The following FBXL16 variants were observed in gnomAD, a reference collection of about 807,000 sequenced individuals.
The protein encoded by FBXL16 is F-box and leucine rich repeat protein 16.
In FBXL16, 7 loss-of-function variants were observed where a neutral mutation model predicts 36.7. That is an observed-to-expected ratio of 0.19 (90% CI 0.11 to 0.36). FBXL16 has a LOEUF of 0.36. Among genes scored for constraint, FBXL16 ranks in the 10% least tolerant of loss-of-function variants. FBXL16 has a pLI of 1.00. For synonymous variants in FBXL16, 355 were observed against 308.7 expected (o/e 1.15, Z -1.57); for missense variants, 463 against 659.4 (o/e 0.70, Z 3.26).
chr16:694,732 G>A, intron 4 of FBXL16, 35 bp from the exon 5 acceptor site: 1 of 1,578,694 alleles, frequency 6.3e-7, no homozygotes, highest in Non-Finnish European at 8.6e-7. Context: ...AACGATTTCC[G>A]CTCGCACCGA....
In FBXL16 at chr16:701,578, G is replaced by A. The variant is rs192040928; in HGVS notation, c.-15+3934C>T. Reference sequence around the variant, plus strand: ...GAGAAGTCCCTGGGGGCTCACACAAGGGCCCCTCTGCTTGGCCCTGGGCCC... The same window carrying A: ...GAGAAGTCCCTGGGGGCTCACACAAAGGCCCCTCTGCTTGGCCCTGGGCCC... On this transcript the variant is annotated intron_variant, in intron 1 of 5. Transcript: ENST00000397621. Among the ~76,000 whole-genome samples, 5 of 152,326 alleles carry A rather than the reference G, an allele frequency of 3.3e-5. 1 individual carries two copies. The highest frequency in any genetic ancestry group is 1.2e-4 in the African/African-American group (5 of 41,582).
intron 1 of FBXL16, among the ~76,000 whole-genome samples, chr16:704,740 TG>T (rs1205888722): frequency 6.6e-6 from 1 of 152,072 alleles, no homozygotes; most frequent in African/African-American, 2.4e-5. Context: ...GCAGGTGAGG[TG>T]GCCTCCGCCA....
At chr16:702,988 C>G (rs1339248640) in intron 1 of FBXL16, among the ~76,000 whole-genome samples, 1 of 152,266 alleles carries the variant, frequency 6.6e-6, no homozygotes, top group Non-Finnish European at 1.5e-5. Context: ...TTCCTTCACA[C>G]ACTGCCTAAC....
In FBXL16 at chr16:697,503, T is replaced by TC. The variant is rs2040023386; in HGVS notation, c.-14-85dup. 6.9e-7 allele frequency: 1 copy of TC among 1,443,710 alleles called. No homozygotes were observed. Among genetic ancestry groups the TC allele is most frequent in the Admixed American group, 2.4e-5 (1 of 41,188 alleles). The allele number at this position is 1,443,710 out of a possible 1,614,324, so 89.4% of individuals were successfully genotyped here. ...TGGGGGCGGGTGCAGTGGGGCTCCT[T>TC]CCCTCCTTGGGCGTCCCTATGGTGC... On this transcript the variant is annotated intron_variant, in intron 1 of 5. Transcript: ENST00000397621. The surrounding 1 kb of genome is among the most constrained non-coding windows in gnomAD (Gnocchi z 4.6).
chr16:695,392 C>G (rs2040003656), intron 3 of FBXL16, 23 bp downstream of exon 3: 1 of 1,500,902 alleles, frequency 6.7e-7, no homozygotes, highest in Non-Finnish European at 8.9e-7. Flanking sequence ...CAGCCCCGCC[C>G]GGCGCGGCCC....
Position 695,519 on chromosome 16 carries a change from G to C in FBXL16, c.1038C>G (p.Arg346=). 1.9e-6 allele frequency: 3 copies of C among 1,597,770 alleles called. No homozygotes were observed. The highest frequency in any genetic ancestry group is 2.5e-6 in the Non-Finnish European group (3 of 1,177,716). ...ACGAGAGGTCAAGGCTGCGCAGCTT[G>C]CGCAGGTTCTCGGCCACGAGCTCCA... ...DGVELVAENL[R]KLRSLDLSWC... is the part of the protein sequence containing the mutation. Residue 346 remains arginine, a synonymous_variant, in exon 3 of 6, where the codon CGC becomes CGG. Coordinates refer to ENST00000397621, the MANE Select transcript of FBXL16 (RefSeq NM_153350.4).
chr16:694,072 GC>G lies in FBXL16; in HGVS notation c.*202del. 3.8e-6 allele frequency: 1 copy of G among 260,634 alleles called. No individual in the cohort carries two copies. The allele number at this position is 260,634 out of a possible 1,614,324, so 16.1% of individuals were successfully genotyped here. On this transcript the variant is annotated 3_prime_UTR_variant, in exon 6 of 6. Coordinates refer to ENST00000397621, the MANE Select transcript of FBXL16 (RefSeq NM_153350.4). ...CGTGCGTGGGGCGGGCCCACCCGCC[GC>G]CCCCCTGCCCGGGGCGGGGCTGGGA...
In FBXL16 at chr16:692,756, C is replaced by T. The variant is rs945300024; in HGVS notation, c.*1519G>A. ...TTGGGCAAATGGACAGCTGCCCCTCCCCACTAGGGGTTGTGGGGAGGAGGG... is the reference window on the plus strand; with the variant it reads ...TTGGGCAAATGGACAGCTGCCCCTCTCCACTAGGGGTTGTGGGGAGGAGGG... On this transcript the variant is annotated 3_prime_UTR_variant, in exon 6 of 6. Transcript: ENST00000397621. The T allele has an allele frequency of 2.0e-5, 3 of 152,420 alleles. No individual in the cohort carries two copies. The highest frequency in any genetic ancestry group is 2.9e-5 in the Non-Finnish European group (2 of 68,022). The allele number at this position is 152,420 out of a possible 1,614,324, so 9.4% of individuals were successfully genotyped here. A position where few individuals can be genotyped will look rare whatever the true frequency, so the allele number is the denominator to read the frequency against.
chr16:700,864 G>A (rs1420652883), intron 1 of FBXL16, among the ~76,000 whole-genome samples: 1 of 152,176 alleles, frequency 6.6e-6, no homozygotes, highest in Non-Finnish European at 1.5e-5. Flanking sequence ...ACGGCTGCGG[G>A]GTCGGGGCAG....
intron 1 of FBXL16, among the ~76,000 whole-genome samples, chr16:699,333 C>T (rs1055546764): frequency 2.0e-5 from 3 of 152,192 alleles, no homozygotes; most frequent in Non-Finnish European, 4.4e-5. Context: ...GGCACAGCCA[C>T]GGAAAGAAGC....
rs1168579480 is a variant in FBXL16, at chr16:697,525, G to A, written c.-14-106C>T. Reference sequence around the variant, plus strand: ...CCTTCCCTCCTTGGGCGTCCCTATGGTGCTCCCAGAACCACCAGACAGAGA... The same window carrying A: ...CCTTCCCTCCTTGGGCGTCCCTATGATGCTCCCAGAACCACCAGACAGAGA... On this transcript the variant is annotated intron_variant, in intron 1 of 5. Transcript: ENST00000397621. The surrounding 1 kb of genome is among the most constrained non-coding windows in gnomAD (Gnocchi z 4.6). 28 of 1,350,472 alleles carry A rather than the reference G, an allele frequency of 2.1e-5. No individual in the cohort carries two copies. Among genetic ancestry groups the A allele is most frequent in the Non-Finnish European group, 2.6e-5 (27 of 1,021,900 alleles). The allele number at this position is 1,350,472 out of a possible 1,614,324, so 83.7% of individuals were successfully genotyped here.
rs1246280572 is a variant in FBXL16 at position 697,704 on chromosome 16, T to G, written c.-14-285A>C. ...TCTTTTTCTTTTGTTTTTTTTCTTT[T>G]TGAAACAGAGTTCCGGCCGGGCGCG... On this transcript the variant is annotated intron_variant, in intron 1 of 5. Coordinates refer to ENST00000397621, the MANE Select transcript of FBXL16 (RefSeq NM_153350.4). The surrounding 1 kb of genome is among the most constrained non-coding windows in gnomAD (Gnocchi z 4.6). 5.9e-5 allele frequency among the ~76,000 whole-genome samples: 9 copies of G among 152,154 alleles called. No individual in the cohort carries two copies. Among genetic ancestry groups the G allele is most frequent in the Admixed American group, 5.9e-4 (9 of 15,274 alleles).
chr16:694,509 C>T, intron 5 of FBXL16, 86 bp from the exon 6 acceptor site: 1 of 1,501,710 alleles, frequency 6.7e-7, no homozygotes, highest in Non-Finnish European at 9.0e-7. Context: ...CCTCCTCCGC[C>T]TCGGACCCGG....
chr16:700,754 G>A (rs1010014084), intron 1 of FBXL16, among the ~76,000 whole-genome samples: 3 of 152,034 alleles, frequency 2.0e-5, no homozygotes, highest in African/African-American at 7.2e-5. Flanking sequence ...CTGGGCCTCC[G>A]CAGACCCCGC....
At position 693,625 on chromosome 16, in the gene FBXL16, G is replaced by A. The variant is rs1248211696; in HGVS notation, c.*650C>T. 1 of 152,876 alleles carries A rather than the reference G, an allele frequency of 6.5e-6. No individual in the cohort carries two copies. Among genetic ancestry groups the A allele is most frequent in the East Asian group, 1.9e-4 (1 of 5,190 alleles). 9.5% of individuals were successfully genotyped at this position (152,876 alleles called of 1,614,324 possible). A position where few individuals can be genotyped will look rare whatever the true frequency, so the allele number is the denominator to read the frequency against. ...CCACACAGCGGCAAGGAGGAGGAGA[G>A]GCCGCGTGGGTCAGGCTGGATGGGT... On this transcript the variant is annotated 3_prime_UTR_variant, in exon 6 of 6. Coordinates refer to ENST00000397621, the MANE Select transcript of FBXL16 (RefSeq NM_153350.4).
chr16:695,191 C>T, intron 3 of FBXL16, 115 bp from the exon 4 acceptor site: 1 of 1,227,936 alleles, frequency 8.1e-7, no homozygotes, highest in African/African-American at 1.5e-5. Flanking sequence ...GGAGCAGCCG[C>T]TGGCCCCTCC....
intron 4 of FBXL16, 109 bp downstream of exon 4, chr16:694,883 G>A (rs1314106439): frequency 2.1e-5 from 27 of 1,300,984 alleles, no homozygotes; most frequent in Middle Eastern, 2.6e-4. Context: ...GTCGGCTGCT[G>A]GATAGGGAGG....
Position 697,173 on chromosome 16 carries a change from C to T in FBXL16, c.233G>A (p.Gly78Asp), listed in dbSNP as rs750502676. The T allele has an allele frequency of 6.7e-7, 1 of 1,495,958 alleles. No homozygotes were observed. Among genetic ancestry groups the T allele is most frequent in the African/African-American group, 1.4e-5 (1 of 70,784 alleles). 92.7% of individuals were successfully genotyped at this position (1,495,958 alleles called of 1,614,324 possible). The change falls in exon 2 of 6, where the codon GGT becomes GAT. Residue 78 changes from glycine to aspartate, a missense_variant. Around this residue, in one of 3 missense-constraint regions of FBXL16, gnomAD observed 263 missense variants for 341.1 expected, o/e 0.77. Transcript: ENST00000397621. The surrounding 1 kb of genome is among the most constrained non-coding windows in gnomAD (Gnocchi z 4.6). The stretch of plus-strand genomic sequence containing the variant: ...AGGTGCCAAGGCTGAGGCTGGTCCA[C>T]CTGCCGGGGTGCACGGGCCCCCAGC... ...ALAGGPCTPA[G>D]GPASALAPGH...
chr16:699,569 T>C (rs950974627), intron 1 of FBXL16, among the ~76,000 whole-genome samples: 9 of 152,130 alleles, frequency 5.9e-5, no homozygotes, highest in African/African-American at 2.2e-4. Flanking sequence ...CCTTGGGGCA[T>C]TGCAAAGTGA....
Sources: gnomAD v4.1 joint callset for allele counts (sites outside exome capture counted in the v4.1 genomes callset) on GRCh38, gnomAD v4.1.1 for gene constraint, gnomAD v4.1.1 regional missense constraint, Gnocchi (gnomAD v3.1) non-coding constraint, MANE v1.5 for transcripts, NCBI Gene and HGNC (gene_info 2026-07-23, HGNC 2026-07-21) for gene names.